NFIB: variants seen among roughly 807,000 people sequenced by gnomAD.
NFIB encodes nuclear factor I B, also known as nuclear factor 1 B-type.
Under a neutral mutation model 61.5 loss-of-function variants are expected in NFIB, and 11 were observed. The observed-to-expected ratio is 0.18, with a 90% CI of 0.11 to 0.30. The LOEUF is 0.30. NFIB is among the 10% of genes least tolerant of loss of function. NFIB has a pLI of 1.00. For synonymous variants in NFIB, 260 were observed against 216.5 expected, an observed-to-expected ratio of 1.20 and a Z score of -1.76; for missense variants, 471 against 608.9, an observed-to-expected ratio of 0.77 and a Z score of 2.38.
intron 6 of NFIB, among the ~76,000 whole-genome samples, chr9:14,132,717 G>C (rs1374225482): frequency 6.6e-6 from 1 of 151,990 alleles, no homozygotes; most frequent in Non-Finnish European, 1.5e-5. Flanking sequence ...ATGGGCACAC[G>C]ATCACACCCA....
intron 2 of NFIB, among the ~76,000 whole-genome samples, chr9:14,264,835 C>T (rs1294555219): frequency 6.6e-6 from 1 of 151,710 alleles, no homozygotes; most frequent in Non-Finnish European, 1.5e-5. Context: ...AAGGCAAAGC[C>T]ACACTGATAG....
At chr9:14,234,178 A>G (rs1024276965) in intron 2 of NFIB, among the ~76,000 whole-genome samples, 1 of 152,178 alleles carries the variant, frequency 6.6e-6, no homozygotes, top group African/African-American at 2.4e-5. Flanking sequence ...ATTACTCTCT[A>G]GATTGGATGG....
chr9:14,310,966 T>C (rs1410213795), intron 1 of NFIB, among the ~76,000 whole-genome samples: 1 of 152,142 alleles, frequency 6.6e-6, no homozygotes, highest in Non-Finnish European at 1.5e-5. Context: ...GCAAAAAATG[T>C]ACCTAAAGAA....
chr9:14,523,423 C>T, the NFIB span, among the ~76,000 whole-genome samples: 74 of 152,146 alleles, frequency 4.9e-4, no homozygotes, highest in African/African-American at 1.6e-3. Flanking sequence ...ACAGTCTACC[C>T]ATTCTACTTG....
Position 14,313,672 on chromosome 9 carries a change from C to T in NFIB, c.-161G>A. On this transcript the variant is annotated 5_prime_UTR_variant, in exon 1 of 11. Coordinates refer to ENST00000380953, the MANE Select transcript of NFIB (RefSeq NM_001190737.2). This position sits in a 1 kb window ranked among gnomAD's most constrained non-coding sequence, Gnocchi z 4.5. ...GCAACTTCACAACAAACCCAGTCCT[C>T]CTTAAATAGCCAAAGATTCAAGTTC... 1 of 1,454,954 alleles carries T rather than the reference C, an allele frequency of 6.9e-7. No homozygotes were observed. The highest frequency in any genetic ancestry group is 9.1e-7 in the Non-Finnish European group (1 of 1,103,588). The allele number at this position is 1,454,954 out of a possible 1,614,324, so 90.1% of individuals were successfully genotyped here. A position where few individuals can be genotyped will look rare whatever the true frequency, so the allele number is the denominator to read the frequency against.
chr9:14,107,872 T>A (rs982391296), intron 10 of NFIB, among the ~76,000 whole-genome samples: 2 of 151,906 alleles, frequency 1.3e-5, no homozygotes, highest in Non-Finnish European at 2.9e-5. Flanking sequence ...AGAAGATAAT[T>A]TTTTCCTTGT....
chr9:14,128,270 A>G (rs1262109872), intron 6 of NFIB, among the ~76,000 whole-genome samples: 2 of 152,204 alleles, frequency 1.3e-5, no homozygotes, highest in East Asian at 3.8e-4. Flanking sequence ...TTTGAAAAAG[A>G]AACTGGGAAC....
At chr9:14,310,058 G>T (rs1220776826) in intron 1 of NFIB, among the ~76,000 whole-genome samples, 1 of 152,038 alleles carries the variant, frequency 6.6e-6, no homozygotes, top group East Asian at 1.9e-4. Flanking sequence ...ACACAGTTTT[G>T]ATTAAATTTG....
chr9:14,420,453 A>AAAAAAAAAAAAAAAAAAAAAAAAAC, the NFIB span, among the ~76,000 whole-genome samples: 1 of 149,344 alleles, frequency 6.7e-6, no homozygotes, highest in African/African-American at 2.4e-5. Context: ...CTCAAAAAAA[A>AAAAAAAAAAAAAAAAAAAAAAAAAC]AAAAAAAAAA....
At chr9:14,453,488 T>A in the NFIB span, among the ~76,000 whole-genome samples, 1 of 152,218 alleles carries the variant, frequency 6.6e-6, no homozygotes, top group African/African-American at 2.4e-5. Context: ...AGCCAACTCA[T>A]TTGGAACTAA....
At chr9:14,318,300 T>C (rs1048250900), upstream of NFIB, among the ~76,000 whole-genome samples, 4 of 152,234 alleles carry the variant, frequency 2.6e-5, no homozygotes, top group African/African-American at 7.2e-5. Context: ...CCCAGTTGTA[T>C]ATTTGAAATA....
chr9:14,238,841 G>A (rs992552488), intron 2 of NFIB, among the ~76,000 whole-genome samples: 72 of 152,062 alleles, frequency 4.7e-4, no homozygotes, highest in African/African-American at 1.7e-3. Context: ...TAAATCTGTG[G>A]GCTTCTCCAC....
At chr9:14,374,524 A>T (rs2061394725) in intron 1 of NFIB, among the ~76,000 whole-genome samples, 1 of 152,222 alleles carries the variant, frequency 6.6e-6, no homozygotes, top group Non-Finnish European at 1.5e-5. Flanking sequence ...TGGGTTGTTT[A>T]CAAAGGAGAG....
chr9:14,326,783 C>G (rs142141620), intron 1 of NFIB, among the ~76,000 whole-genome samples: 1 of 151,082 alleles, frequency 6.6e-6, no homozygotes, highest in Non-Finnish European at 1.5e-5. Context: ...ATCCAGGATG[C>G]CTTCTAGCTT....
chr9:14,085,302 G>T lies in NFIB; in HGVS notation c.*3007C>A. 4.4e-6 allele frequency: 1 copy of T among 226,304 alleles called. No homozygotes were observed. The highest frequency in any genetic ancestry group is 8.8e-6 in the Non-Finnish European group (1 of 113,868). 14.0% of individuals were successfully genotyped at this position (226,304 alleles called of 1,614,324 possible). A position where few individuals can be genotyped will look rare whatever the true frequency, so the allele number is the denominator to read the frequency against. On this transcript the variant is annotated 3_prime_UTR_variant, in exon 11 of 11. Transcript: ENST00000380953. The stretch of plus-strand genomic sequence containing the variant: ...CATGGCCTAGGGGAAGGGGGCCAGG[G>T]GACTCCTTAAGACAGCCTACCATGT...
At chr9:14,487,731 C>G in the NFIB span, among the ~76,000 whole-genome samples, 4 of 152,232 alleles carry the variant, frequency 2.6e-5, no homozygotes, top group African/African-American at 9.6e-5. Context: ...AACGCAGCAG[C>G]CAGCACCATG....
intron 10 of NFIB, among the ~76,000 whole-genome samples, chr9:14,101,414 TA>T (rs759626312): frequency 4.5e-4 from 68 of 152,346 alleles, no homozygotes; most frequent in Non-Finnish European, 7.9e-4. Context: ...TTTGATTCTT[TA>T]AAATCTACTC....
the NFIB span, among the ~76,000 whole-genome samples, chr9:14,454,580 G>A: frequency 1.3e-5 from 2 of 152,154 alleles, no homozygotes; most frequent in African/African-American, 4.8e-5. Context: ...GTCCTTTGAA[G>A]CATTTGTCAC....
intron 2 of NFIB, among the ~76,000 whole-genome samples, chr9:14,295,974 T>C (rs963162725): frequency 1.3e-5 from 2 of 152,242 alleles, no homozygotes; most frequent in African/African-American, 4.8e-5. Context: ...ATCATTCTAA[T>C]TTAAATGGGT....
Sources: gnomAD v4.1 joint callset for allele counts (sites outside exome capture counted in the v4.1 genomes callset) on GRCh38, gnomAD v4.1.1 for gene constraint, Gnocchi (gnomAD v3.1) non-coding constraint, MANE v1.5 for transcripts, NCBI Gene and HGNC (gene_info 2026-07-23, HGNC 2026-07-21) for gene names.